The following FN3KRP variants were observed in gnomAD, a reference collection of about 807,000 sequenced individuals.
FN3KRP encodes the protein fructosamine 3 kinase related protein.
Under a neutral mutation model 29.8 loss-of-function variants are expected in FN3KRP, and 33 were observed. The ratio of observed to expected loss-of-function variants is 1.11; its 90% CI spans 0.84 to 1.48. The LOEUF is 1.48. FN3KRP is among the 40% of genes most tolerant of loss of function. The pLI is 0.00. For synonymous variants in FN3KRP, 157 were observed against 155.2 expected (o/e 1.01, Z -0.09); for missense variants, 430 against 402.6 (o/e 1.07, Z -0.58).
chr17:82,720,624 C>G, intron 3 of FN3KRP: 1 of 351,596 alleles, frequency 2.8e-6, no homozygotes, highest in Non-Finnish European at 5.2e-6. Flanking sequence ...TTACTTTTAC[C>G]TCTCGTTCCC....
In FN3KRP at chr17:82,726,533, G is replaced by A. The variant is rs780383401; in HGVS notation, c.522G>A (p.Gln174=). The A allele has an allele frequency of 6.2e-7, 1 of 1,614,166 alleles. No homozygotes were observed. The highest frequency in any genetic ancestry group is 8.5e-7 in the Non-Finnish European group (1 of 1,180,024). ...TGTTCTATGCCCGGCAGCGCATTCA[G>A]CCCCAGATGGACATGGTGGAGAAGG... The part of the protein sequence containing the change: ...WVVFYARQRI[Q]PQMDMVEKES... The change falls in exon 5 of 6, where the codon CAG becomes CAA. Residue 174 remains glutamine (Q), a synonymous_variant. Coordinates refer to ENST00000269373, the MANE Select transcript of FN3KRP (RefSeq NM_024619.4).
chr17:82,727,345 C>T lies in FN3KRP; in HGVS notation c.*174C>T. 3.3e-6 allele frequency: 2 copies of T among 604,308 alleles called. No individual in the cohort carries two copies. Among genetic ancestry groups the T allele is most frequent in the Non-Finnish European group, 5.7e-6 (2 of 352,102 alleles). The allele number at this position is 604,308 out of a possible 1,614,324, so 37.4% of individuals were successfully genotyped here. On this transcript the variant is annotated 3_prime_UTR_variant, in exon 6 of 6. Transcript: ENST00000269373. The stretch of plus-strand genomic sequence containing the variant: ...GGTTTTGTCATCCCAGCGTTGTCCA[C>T]TTTGTGGGGCTTTGTAGGTAGACGG...
intron 1 of FN3KRP, 88 bp downstream of exon 1, chr17:82,716,984 C>G (rs1027907721): frequency 2.0e-6 from 3 of 1,468,940 alleles, no homozygotes; most frequent in South Asian, 1.3e-5. Flanking sequence ...CTGGGCTTCT[C>G]CCGCCGGAGG....
chr17:82,722,748 A>G lies in FN3KRP; in HGVS notation c.386-56A>G, dbSNP rs541884466. On this transcript the variant is annotated intron_variant, in intron 3 of 5. Transcript: ENST00000269373. ...TGTCTGAAGGTGACTCAGTTTCGAG[A>G]GTGGGCGCTGGGATCCCTTGGAACT... 9.0e-6 allele frequency: 14 copies of G among 1,561,986 alleles called. No homozygotes were observed. In the East Asian group the frequency reaches 2.7e-4, roughly 30 times the overall value.
In FN3KRP at chr17:82,726,814, T is replaced by C; in HGVS notation, c.592-19T>C. Reference sequence around the variant, plus strand: ...CACGCGTTGATCAATTTGCTGAGGCTCCATTTTCCTCCCTGCAGTTAAAGA... The same window carrying C: ...CACGCGTTGATCAATTTGCTGAGGCCCCATTTTCCTCCCTGCAGTTAAAGA... On this transcript the variant is annotated intron_variant, in intron 5 of 5. Coordinates refer to ENST00000269373, the MANE Select transcript of FN3KRP (RefSeq NM_024619.4). 6.6e-7 allele frequency: 1 copy of C among 1,522,970 alleles called. No homozygotes were observed. The highest frequency in any genetic ancestry group is 1.3e-5 in the South Asian group (1 of 75,528). The allele number at this position is 1,522,970 out of a possible 1,614,324, so 94.3% of individuals were successfully genotyped here.
chr17:82,726,830 C>G lies in FN3KRP; in HGVS notation c.592-3C>G, dbSNP rs202184366. 111 of 1,526,246 alleles carry G rather than the reference C, an allele frequency of 7.3e-5. No individual in the cohort carries two copies. Among genetic ancestry groups the G allele is most frequent in the Non-Finnish European group, 9.3e-5 (106 of 1,139,486 alleles). The allele number at this position is 1,526,246 out of a possible 1,614,324, so 94.5% of individuals were successfully genotyped here. On this transcript the variant is annotated splice_region_variant and splice_polypyrimidine_tract_variant and intron_variant, in intron 5 of 5. Transcript: ENST00000269373. Reference sequence around the variant, plus strand: ...TGCTGAGGCTCCATTTTCCTCCCTGCAGTTAAAGATCCCTGACCTGTTCCG... The same window carrying G: ...TGCTGAGGCTCCATTTTCCTCCCTGGAGTTAAAGATCCCTGACCTGTTCCG...
rs1042194476 is a variant in FN3KRP, at chr17:82,718,493, C to T, written c.142-413C>T. 10 of 992,028 alleles carry T rather than the reference C, an allele frequency of 1.0e-5. No individual in the cohort carries two copies. In the African/African-American group the frequency reaches 1.2e-4, roughly 12 times the overall value. The allele number at this position is 992,028 out of a possible 1,614,324, so 61.5% of individuals were successfully genotyped here. ...GCATAGGCAGCCAGGGTGCCGCCTG[C>T]ACCTGAGAGGTCGGGTGAGTCTGTG... On this transcript the variant is annotated intron_variant, in intron 1 of 5. Transcript: ENST00000269373.
chr17:82,716,900 A>G lies in FN3KRP; in HGVS notation c.141+4A>G. On this transcript the variant is annotated splice_donor_region_variant and intron_variant, in intron 1 of 5. Coordinates refer to ENST00000269373, the MANE Select transcript of FN3KRP (RefSeq NM_024619.4). ...GAAAGTGAACCCCAAGGCGGAGGTC[A>G]GGCAGCGGGTCGGGCGGGCCGGGGG... The G allele has an allele frequency of 6.7e-7, 1 of 1,495,862 alleles. No homozygotes were observed. 92.7% of individuals were successfully genotyped at this position (1,495,862 alleles called of 1,614,324 possible).
chr17:82,717,311 G>C, intron 1 of FN3KRP, among the ~76,000 whole-genome samples: 1 of 152,298 alleles, frequency 6.6e-6, no homozygotes, highest in Non-Finnish European at 1.5e-5. Context: ...AGTGACTCTG[G>C]AGGTGTCCAT....
At chr17:82,718,723 C>G (rs987234975) in intron 1 of FN3KRP, among the ~76,000 whole-genome samples, 183 bp from the exon 2 acceptor site, 9 of 152,234 alleles carry the variant, frequency 5.9e-5, no homozygotes, top group Non-Finnish European at 1.2e-4. Context: ...CCAGTACAGC[C>G]TCTGAACCTG....
At chr17:82,718,291 T>C (rs2249877) in intron 1 of FN3KRP, among the ~76,000 whole-genome samples, 150,361 of 152,180 alleles carry the variant, frequency 0.99, 74,310 homozygotes, top group East Asian at 1. Context: ...TGGCTCTGAC[T>C]TCTACTCTAG....
In FN3KRP at chr17:82,720,419, T is replaced by C. The variant is rs980923326; in HGVS notation, c.385+56T>C. 2.5e-5 allele frequency: 36 copies of C among 1,454,156 alleles called. 1 individual carries two copies. The highest frequency in any genetic ancestry group is 4.7e-4 in the Middle Eastern group (2 of 4,294). 90.1% of individuals were successfully genotyped at this position (1,454,156 alleles called of 1,614,324 possible). ...CGCCTAGAGGAGGACGTTCAGCCGGTGTGGGCTCAGAGCGGGGGCCGTGCA... is the reference window on the plus strand; with the variant it reads ...CGCCTAGAGGAGGACGTTCAGCCGGCGTGGGCTCAGAGCGGGGGCCGTGCA... On this transcript the variant is annotated intron_variant, in intron 3 of 5. Transcript: ENST00000269373.
intron 1 of FN3KRP, 102 bp downstream of exon 1, chr17:82,716,998 T>C: frequency 7.2e-7 from 1 of 1,390,534 alleles, no homozygotes; most frequent in Non-Finnish European, 9.6e-7. Context: ...CCGGAGGCCG[T>C]GGGTGGCTCT....
In FN3KRP at chr17:82,726,521, G is replaced by T. The variant is rs201426634; in HGVS notation, c.510G>T (p.Arg170=). ...AGGACTGGGTCGTGTTCTATGCCCG[G>T]CAGCGCATTCAGCCCCAGATGGACA... The part of the protein sequence containing the change: ...WQEDWVVFYA[R]QRIQPQMDMV... The change falls in exon 5 of 6, where the codon CGG becomes CGT. Residue 170 remains arginine, a synonymous_variant. Transcript: ENST00000269373. 169 of 1,614,184 alleles carry T rather than the reference G, an allele frequency of 1.0e-4. No individual in the cohort carries two copies. The highest frequency in any genetic ancestry group is 1.4e-4 in the Non-Finnish European group (162 of 1,180,020).
Position 82,727,120 on chromosome 17 carries a change from A to AATCATTTTGGATCC in FN3KRP, c.879_880insATCATTTTGGATCC (p.Ser294IlefsTer13). ...ACTTGAACCACTGGAATCATTTTGG[A>AATCATTTTGGATCC]TCGGGGTACAGAGGATCCTCCCTGA... On this transcript the variant is annotated frameshift_variant, in exon 6 of 6. Transcript: ENST00000269373. LOFTEE classifies it high-confidence loss of function. 4 of 1,614,066 alleles carry AATCATTTTGGATCC rather than the reference A, an allele frequency of 2.5e-6. No individual in the cohort carries two copies. Among genetic ancestry groups the AATCATTTTGGATCC allele is most frequent in the Non-Finnish European group, 3.4e-6 (4 of 1,180,018 alleles).
At chr17:82,720,053 C>A (rs1200487696) in intron 2 of FN3KRP, among the ~76,000 whole-genome samples, 1 of 152,062 alleles carries the variant, frequency 6.6e-6, no homozygotes, top group African/African-American at 2.4e-5. Context: ...GTAATCCCAG[C>A]TACTCGGGAG....
intron 4 of FN3KRP, among the ~76,000 whole-genome samples, chr17:82,726,227 G>A (rs1293534593): frequency 2.0e-5 from 3 of 152,094 alleles, no homozygotes; most frequent in Non-Finnish European, 4.4e-5. Flanking sequence ...CTTCATTCTT[G>A]GAAGGCTACA....
intron 4 of FN3KRP, among the ~76,000 whole-genome samples, chr17:82,723,647 A>G (rs2046816663): frequency 6.6e-6 from 1 of 151,852 alleles, no homozygotes; most frequent in Non-Finnish European, 1.5e-5. Context: ...ACGTGTGTGC[A>G]TGTGTGTACG....
At chr17:82,725,948 C>T (rs759281534) in intron 4 of FN3KRP, among the ~76,000 whole-genome samples, 5 of 152,280 alleles carry the variant, frequency 3.3e-5, no homozygotes, top group East Asian at 1.9e-4. Flanking sequence ...GAGGCTGAAG[C>T]GGGCAGATCA....
Sources: allele counts gnomAD v4.1 joint callset (sites outside exome capture counted in the v4.1 genomes callset), GRCh38; gene constraint gnomAD v4.1.1; transcripts MANE v1.5; gene names NCBI Gene and HGNC (gene_info 2026-07-23, HGNC 2026-07-21).